The following CHN1 variants were observed in gnomAD, a reference collection of about 807,000 sequenced individuals.
The protein encoded by CHN1 is N-chimaerin.
Under a neutral mutation model 59.5 loss-of-function variants are expected in CHN1, and 37 were observed. That is an observed-to-expected ratio of 0.62 (90% confidence interval 0.48 to 0.82). The LOEUF (loss-of-function observed/expected upper bound fraction) is 0.82, where lower values mean the gene tolerates loss of function less well. Among genes scored for constraint, CHN1 ranks in the 40% least tolerant of loss-of-function variants. The pLI is 0.00. For missense variants in CHN1, 469 were observed against 571.0 expected (o/e 0.82, Z 1.82); for synonymous variants, 206 against 200.4 (o/e 1.03, Z -0.24).
At chr2:174,835,084 A>G (rs568001986) in intron 7 of CHN1, among the ~76,000 whole-genome samples, 9 of 149,960 alleles carry the variant, frequency 6.0e-5, no homozygotes, top group East Asian at 5.8e-4. Flanking sequence ...TGAAAATATC[A>G]TAAGTTGAGA....
At chr2:174,950,679 A>G (rs1486493892) in intron 2 of CHN1, among the ~76,000 whole-genome samples, 2 of 152,150 alleles carry the variant, frequency 1.3e-5, no homozygotes, top group Non-Finnish European at 2.9e-5. Context: ...ACTCAATAAT[A>G]GTCTGAGGCT....
chr2:174,985,469 T>C (rs1691308877), intron 1 of CHN1, among the ~76,000 whole-genome samples: 1 of 152,094 alleles, frequency 6.6e-6, no homozygotes, highest in South Asian at 2.1e-4. Context: ...AACTACATCA[T>C]CTTGTTTTTA....
intron 5 of CHN1, among the ~76,000 whole-genome samples, chr2:174,880,137 C>T (rs774681373): frequency 1.3e-5 from 2 of 152,272 alleles, no homozygotes; most frequent in South Asian, 2.1e-4. Context: ...ATTCCTGCTC[C>T]GCCTGTACTT....
rs76129690 is a variant in CHN1 at position 174,829,276 on chromosome 2, T to C, written c.628-4758A>G. On this transcript the variant is annotated intron_variant, in intron 7 of 12. Transcript: ENST00000409900. The stretch of plus-strand genomic sequence containing the variant: ...CAGTACAGTCTTATCAGTGAAGGCA[T>C]TGGTCAGAAGCAGGCTGCAAAGGAC... Among the ~76,000 whole-genome samples, 2,105 of 152,292 alleles carry C rather than the reference T, an allele frequency of 0.014. 83 individuals are homozygous for C. The East Asian group carries it at 0.14, about 10-fold the overall frequency.
intron 1 of CHN1, among the ~76,000 whole-genome samples, chr2:174,955,178 C>CTA (rs1363473786): frequency 1.1e-3 from 12 of 11,052 alleles, no homozygotes; most frequent in Non-Finnish European, 2.6e-3. Context: ...CTCTATATAT[C>CTA]TATATCTATA....
intron 9 of CHN1, 49 bp downstream of exon 9, chr2:174,812,260 T>C (rs1685100541): frequency 3.3e-6 from 5 of 1,534,796 alleles, no homozygotes; most frequent in Non-Finnish European, 4.4e-6. Flanking sequence ...TCAGGATTGG[T>C]ACTGGTAGTG....
chr2:174,964,117 G>A (rs1162914720), intron 1 of CHN1, among the ~76,000 whole-genome samples: 6 of 152,176 alleles, frequency 3.9e-5, no homozygotes, highest in Non-Finnish European at 8.8e-5. Flanking sequence ...CAGGGAGAGA[G>A]AGGATGAAAG....
At chr2:174,839,996 C>T (rs911597179) in intron 7 of CHN1, among the ~76,000 whole-genome samples, 7 of 151,910 alleles carry the variant, frequency 4.6e-5, no homozygotes, top group African/African-American at 1.5e-4. Context: ...TACCCTCTGT[C>T]GAATTTTACT....
At chr2:174,896,681 T>C (rs946614784) in intron 5 of CHN1, among the ~76,000 whole-genome samples, 5 of 152,118 alleles carry the variant, frequency 3.3e-5, no homozygotes, top group South Asian at 2.1e-4. Flanking sequence ...TTTGTATATA[T>C]CATATTCATC....
Position 174,915,042 on chromosome 2 carries a change from C to T in CHN1, c.260+16G>A. On this transcript the variant is annotated intron_variant, in intron 5 of 12. Transcript: ENST00000409900. ...TTTAAATAAAGCACAGTAGTAATTG[C>T]AGGCCCATGACCAACCTTAAAGCCA... The T allele has an allele frequency of 1.3e-6, 2 of 1,530,900 alleles. No individual in the cohort carries two copies. The highest frequency in any genetic ancestry group is 1.8e-6 in the Non-Finnish European group (2 of 1,113,136). The allele number at this position is 1,530,900 out of a possible 1,614,324, so 94.8% of individuals were successfully genotyped here. A position where few individuals can be genotyped will look rare whatever the true frequency, so the allele number is the denominator to read the frequency against.
At position 174,878,060 on chromosome 2, in the gene CHN1, A is replaced by C; in HGVS notation, c.329T>G (p.Phe110Cys). 6.2e-7 allele frequency: 1 copy of C among 1,613,574 alleles called. No individual in the cohort carries two copies. The highest frequency in any genetic ancestry group is 1.6e-4 in the Middle Eastern group (1 of 6,062). ...AGTCACCAGATCGTGGATGGACTCA[A>C]AGCGTTTCTCCCCAACAAAGTGCTT... ...DGKHFVGEKR[F>C]ESIHDLVTDG... The change falls in exon 6 of 13, where the codon TTT (phenylalanine) becomes TGT (cysteine). Residue 110 changes from phenylalanine to cysteine, a missense_variant. Coordinates refer to ENST00000409900, the MANE Select transcript of CHN1 (RefSeq NM_001822.7).
chr2:174,980,497 G>C (rs974198105), intron 1 of CHN1, among the ~76,000 whole-genome samples: 9 of 151,842 alleles, frequency 5.9e-5, no homozygotes, highest in Non-Finnish European at 1.0e-4. Context: ...TTAAAATTAT[G>C]ATTTTAAAAT....
rs767192888 is a variant in CHN1 at position 174,915,175 on chromosome 2, A to C, written c.147-4T>G. 71 of 1,602,094 alleles carry C rather than the reference A, an allele frequency of 4.4e-5. No homozygotes were observed. Among genetic ancestry groups the C allele is most frequent in the Middle Eastern group, 3.3e-4 (2 of 6,070 alleles). ...TCTGGAGATCATGCCATGAAACCTA[A>C]GAAACAAAGTCTATTCAGAAACTGT... On this transcript the variant is annotated splice_polypyrimidine_tract_variant and splice_region_variant and intron_variant, in intron 4 of 12. Coordinates refer to ENST00000409900, the MANE Select transcript of CHN1 (RefSeq NM_001822.7).
intron 1 of CHN1, among the ~76,000 whole-genome samples, chr2:174,954,782 T>A (rs1323936392): frequency 6.6e-6 from 1 of 151,888 alleles, no homozygotes; most frequent in Non-Finnish European, 1.5e-5. Context: ...AATTAAAAAA[T>A]CAAAAAATAA....
At chr2:174,886,577 G>T (rs1337476388) in intron 5 of CHN1, among the ~76,000 whole-genome samples, 1 of 152,098 alleles carries the variant, frequency 6.6e-6, no homozygotes, top group Non-Finnish European at 1.5e-5. Context: ...CTCTGATTGG[G>T]ATTATTGAGC....
intron 3 of CHN1, among the ~76,000 whole-genome samples, 152 bp from the exon 4 acceptor site, chr2:174,918,717 C>G (rs755613141): frequency 1.3e-5 from 2 of 152,178 alleles, no homozygotes; most frequent in Non-Finnish European, 2.9e-5. Flanking sequence ...AGCAGGTTAC[C>G]TGTGCCATTT....
At chr2:174,868,008 A>C (rs983887346) in intron 6 of CHN1, among the ~76,000 whole-genome samples, 4 of 152,238 alleles carry the variant, frequency 2.6e-5, no homozygotes, top group Admixed American at 6.5e-5. Flanking sequence ...ACAGACTAAA[A>C]GGAAACTCAT....
chr2:174,986,800 G>A (rs759992460), intron 1 of CHN1, among the ~76,000 whole-genome samples: 21 of 152,320 alleles, frequency 1.4e-4, no homozygotes, highest in South Asian at 4.1e-4. Flanking sequence ...GCAATGGCGC[G>A]ATCTGGGCTC....
chr2:174,990,777 A>T (rs1691523323), intron 1 of CHN1, among the ~76,000 whole-genome samples: 1 of 152,238 alleles, frequency 6.6e-6, no homozygotes. Flanking sequence ...ATGATAAAAG[A>T]AACATGAATT....
Sources: allele counts gnomAD v4.1 joint callset (sites outside exome capture counted in the v4.1 genomes callset), GRCh38; gene constraint gnomAD v4.1.1; transcripts MANE v1.5; gene names NCBI Gene and HGNC (gene_info 2026-07-23, HGNC 2026-07-21).